TFDP2: variants seen among roughly 807,000 people sequenced by gnomAD.
TFDP2 encodes transcription factor Dp-2 (E2F dimerization partner 2).
A neutral mutation model predicts 59.3 loss-of-function variants in TFDP2; 17 were observed. That is an observed-to-expected ratio of 0.29 (90% CI 0.20 to 0.43). The LOEUF (loss-of-function observed/expected upper bound fraction) is 0.43. Ranked by LOEUF, TFDP2 falls within the 20% of genes least tolerant of loss-of-function variation. The probability of loss-of-function intolerance (pLI) is 1.00; values close to 1 mark genes in which losing one functional copy is unlikely to be tolerated. For missense variants in TFDP2, 391 were observed against 528.8 expected (o/e 0.74, Z 2.56); for synonymous variants, 180 against 194.7 (o/e 0.92, Z 0.63).
At chr3:142,088,353 CAG>C (rs1236291828) in intron 3 of TFDP2, among the ~76,000 whole-genome samples, 5 of 150,114 alleles carry the variant, frequency 3.3e-5, no homozygotes, top group Non-Finnish European at 7.4e-5. Flanking sequence ...TTTTTTGAGA[CAG>C]AGTTTCACTC....
chr3:141,985,127 A>G (rs936742531), intron 6 of TFDP2, among the ~76,000 whole-genome samples: 1 of 152,350 alleles, frequency 6.6e-6, no homozygotes, highest in South Asian at 2.1e-4. Flanking sequence ...AATGAGGATT[A>G]AAATAAAAGT....
At chr3:142,087,749 C>T (rs555405694) in intron 3 of TFDP2, among the ~76,000 whole-genome samples, 5 of 152,122 alleles carry the variant, frequency 3.3e-5, no homozygotes, top group African/African-American at 1.2e-4. Flanking sequence ...CAATCCACCC[C>T]CCTTGGCCTC....
chr3:142,004,130 G>C (rs989777638), intron 4 of TFDP2, among the ~76,000 whole-genome samples: 1 of 152,150 alleles, frequency 6.6e-6, no homozygotes, highest in South Asian at 2.1e-4. Context: ...GAGCTACCTT[G>C]AAATGAGGGC....
At chr3:141,969,232 G>GATAT (rs551304839) in intron 9 of TFDP2, among the ~76,000 whole-genome samples, 2 of 65,846 alleles carry the variant, frequency 3.0e-5, no homozygotes, top group African/African-American at 7.6e-5. Context: ...ATATATATGA[G>GATAT]ATATATATAT....
At chr3:142,059,632 T>C (rs2059851007) in intron 3 of TFDP2, among the ~76,000 whole-genome samples, 1 of 151,928 alleles carries the variant, frequency 6.6e-6, no homozygotes, top group African/African-American at 2.4e-5. Context: ...CAGGGTGGAG[T>C]GCAATGGTGT....
chr3:142,099,263 C>CT (rs756788232), intron 2 of TFDP2, among the ~76,000 whole-genome samples: 10 of 152,188 alleles, frequency 6.6e-5, no homozygotes, highest in Non-Finnish European at 1.2e-4. Flanking sequence ...TTTGCCCATT[C>CT]TTTGAGTGTC....
At chr3:141,986,438 C>A (rs1420620475) in intron 6 of TFDP2, among the ~76,000 whole-genome samples, 1 of 152,182 alleles carries the variant, frequency 6.6e-6, no homozygotes, top group Non-Finnish European at 1.5e-5. Context: ...AAATTAAAAT[C>A]ATATAGTATG....
At chr3:142,138,979 A>G (rs1166396315) in intron 1 of TFDP2, among the ~76,000 whole-genome samples, 2 of 152,112 alleles carry the variant, frequency 1.3e-5, no homozygotes, top group Non-Finnish European at 2.9e-5. Flanking sequence ...AAAGTCTCTC[A>G]TTATTATTGT....
chr3:142,099,859 A>C (rs2061269689), intron 2 of TFDP2, among the ~76,000 whole-genome samples: 2 of 152,158 alleles, frequency 1.3e-5, no homozygotes, highest in Admixed American at 6.5e-5. Context: ...ATTTAAGTTT[A>C]TCACAATATC....
chr3:142,045,321 G>C (rs894423037), intron 3 of TFDP2, among the ~76,000 whole-genome samples: 1 of 151,742 alleles, frequency 6.6e-6, no homozygotes, highest in African/African-American at 2.4e-5. Context: ...CACAACACCG[G>C]GCTAATTTTT....
At chr3:142,003,746 T>C (rs1458795185) in intron 4 of TFDP2, among the ~76,000 whole-genome samples, 1 of 152,222 alleles carries the variant, frequency 6.6e-6, no homozygotes, top group East Asian at 1.9e-4. Flanking sequence ...ACCTTTGTTT[T>C]GCTGATCCTG....
rs1433983101 is a variant in TFDP2 at position 141,950,835 on chromosome 3, T to C, written c.*1678A>G. ...GAGAGGTGTGCTCCAGAACCCACGA[T>C]AAGACCGAGTTCTCTAGAAACTGCC... is the stretch of plus-strand genomic sequence containing the variant. On this transcript the variant is annotated 3_prime_UTR_variant, in exon 13 of 13. Coordinates refer to ENST00000489671, the MANE Select transcript of TFDP2 (RefSeq NM_001178139.2). The C allele has an allele frequency of 2.0e-5, 3 of 152,478 alleles. No homozygotes were observed. Among genetic ancestry groups the C allele is most frequent in the African/African-American group, 7.2e-5 (3 of 41,458 alleles). 9.4% of individuals were successfully genotyped at this position (152,478 alleles called of 1,614,324 possible).
chr3:142,069,324 T>C (rs2060168285), intron 3 of TFDP2, among the ~76,000 whole-genome samples: 1 of 152,246 alleles, frequency 6.6e-6, no homozygotes, highest in Non-Finnish European at 1.5e-5. Flanking sequence ...GAACACAATT[T>C]ATTTAACTAC....
In TFDP2 at chr3:142,108,776, A is replaced by G. The variant is rs566157185; in HGVS notation, c.-92-6935T>C. ...GGTATATGCCTACCTCTCCAGCTCT[A>G]TTAAACTCCTTTCCCACACCTCTTT... On this transcript the variant is annotated intron_variant, in intron 1 of 12. Transcript: ENST00000489671. 5.3e-5 allele frequency among the ~76,000 whole-genome samples: 8 copies of G among 152,250 alleles called. No homozygotes were observed. In the East Asian group the frequency reaches 1.4e-3, roughly 26 times the overall value.
At chr3:141,976,932 A>G (rs1053033694) in intron 7 of TFDP2, among the ~76,000 whole-genome samples, 1 of 151,836 alleles carries the variant, frequency 6.6e-6, no homozygotes, top group Admixed American at 6.6e-5. Flanking sequence ...GTAAAACTTT[A>G]AAGCAACAAA....
At chr3:142,136,491 T>C (rs1179575266) in intron 1 of TFDP2, among the ~76,000 whole-genome samples, 2 of 152,122 alleles carry the variant, frequency 1.3e-5, no homozygotes, top group Non-Finnish European at 2.9e-5. Flanking sequence ...ATGAAGTCCT[T>C]GCCCATGCCT....
In TFDP2 at chr3:141,951,625, A is replaced by C. The variant is rs1358481540; in HGVS notation, c.*888T>G. 2 of 152,674 alleles carry C rather than the reference A, an allele frequency of 1.3e-5. No individual in the cohort carries two copies. Among genetic ancestry groups the C allele is most frequent in the East Asian group, 3.8e-4 (2 of 5,204 alleles). 9.5% of individuals were successfully genotyped at this position (152,674 alleles called of 1,614,324 possible). ...TTACTGCAGGGAACTGTAGGCAAGCAATTTGGTCATAGGAATTTGTTTCTT... is the reference window on the plus strand; with the variant it reads ...TTACTGCAGGGAACTGTAGGCAAGCCATTTGGTCATAGGAATTTGTTTCTT... On this transcript the variant is annotated 3_prime_UTR_variant, in exon 13 of 13. Coordinates refer to ENST00000489671, the MANE Select transcript of TFDP2 (RefSeq NM_001178139.2).
At chr3:142,092,584 G>A (rs748152244) in intron 3 of TFDP2, among the ~76,000 whole-genome samples, 5 of 152,270 alleles carry the variant, frequency 3.3e-5, no homozygotes, top group Non-Finnish European at 7.4e-5. Flanking sequence ...CTCCCAAAGT[G>A]CTGGGATTAC....
At chr3:142,068,829 G>T (rs2060151348) in intron 3 of TFDP2, among the ~76,000 whole-genome samples, 1 of 151,958 alleles carries the variant, frequency 6.6e-6, no homozygotes, top group South Asian at 2.1e-4. Flanking sequence ...AAAGTGCTAG[G>T]ATTATCAGTG....
Sources: gnomAD v4.1 joint callset for allele counts (sites outside exome capture counted in the v4.1 genomes callset) on GRCh38, gnomAD v4.1.1 for gene constraint, MANE v1.5 for transcripts, NCBI Gene and HGNC (gene_info 2026-07-23, HGNC 2026-07-21) for gene names.